The following PPRC1 variants were observed in gnomAD, a reference collection of about 807,000 sequenced individuals.
PPRC1 encodes PPARG related coactivator 1, also known as peroxisome proliferator-activated receptor gamma coactivator-related protein 1.
In PPRC1, 23 loss-of-function variants were observed where a neutral mutation model predicts 132.5. The ratio of observed to expected loss-of-function variants is 0.17; its 90% CI spans 0.12 to 0.25. PPRC1 has a LOEUF of 0.25. Ranked by LOEUF, PPRC1 falls within the 10% of genes least tolerant of loss-of-function variation. The probability of loss-of-function intolerance (pLI) is 1.00; values close to 1 mark genes in which losing one functional copy is unlikely to be tolerated. For missense variants in PPRC1, 2,006 were observed against 2,089.1 expected (o/e 0.96, Z 0.78); for synonymous variants, 872 against 833.5 (o/e 1.05, Z -0.80).
intron 1 of PPRC1, among the ~76,000 whole-genome samples, chr10:102,133,892 T>C (rs1337440864): frequency 6.6e-6 from 1 of 151,798 alleles, no homozygotes; most frequent in South Asian, 2.1e-4. Context: ...GGTTTTTTTT[T>C]TCCCTGCTGC....
In PPRC1 at chr10:102,147,059, A is replaced by C; in HGVS notation, c.4067A>C (p.His1356Pro). ...GCTGCCTCCCGGGAGCCGCTTGATC[A>C]CAGGACTAGCAGTGAGCAGGCAGAT... ...CIAASREPLDHRTSSEQADPS... is the reference protein window; with the variant it reads ...CIAASREPLDPRTSSEQADPS... Residue 1356 changes from histidine to proline, a missense_variant, in exon 9 of 14, where the codon CAC (histidine) becomes CCC (proline). By Grantham distance (77) the His-to-Pro change is moderately conservative. Transcript: ENST00000278070. 1.2e-6 allele frequency: 2 copies of C among 1,614,056 alleles called. No individual in the cohort carries two copies. Among genetic ancestry groups the C allele is most frequent in the Non-Finnish European group, 8.5e-7 (1 of 1,179,986 alleles).
intron 5 of PPRC1, among the ~76,000 whole-genome samples, chr10:102,142,265 G>T (rs1214142218): frequency 1.3e-5 from 2 of 149,342 alleles, no homozygotes; most frequent in Non-Finnish European, 3.0e-5. Context: ...ACCACGTCTG[G>T]CTAATTTTTC....
upstream of PPRC1, among the ~76,000 whole-genome samples, chr10:102,130,464 A>G (rs1378210831): frequency 6.8e-6 from 1 of 146,260 alleles, no homozygotes; most frequent in Non-Finnish European, 1.5e-5. Context: ...GGCTGGGCGC[A>G]GTGGCTCACG....
chr10:102,121,021 C>G, the PPRC1 span, among the ~76,000 whole-genome samples: 1 of 152,198 alleles, frequency 6.6e-6, no homozygotes, highest in African/African-American at 2.4e-5. Flanking sequence ...CAACTCACCC[C>G]TTCCCTAAAT....
chr10:102,139,298 C>G lies in PPRC1; in HGVS notation c.790C>G (p.Leu264Val), dbSNP rs1314719382. The part of the protein sequence containing the change: ...SFSGQILAGE[L>V]DNCVSSIPDF... ...CAGTGGCCAGATTCTTGCCGGGGAG[C>G]TTGACAACTGTGTGAGCAGTATCCC... The change falls in exon 5 of 14, where the codon CTT (leucine) becomes GTT (valine). Residue 264 changes from leucine (L) to valine (V), a missense_variant. Coordinates refer to ENST00000278070, the MANE Select transcript of PPRC1 (RefSeq NM_015062.5). 1.2e-6 allele frequency: 2 copies of G among 1,614,186 alleles called. No individual in the cohort carries two copies. The highest frequency in any genetic ancestry group is 2.7e-5 in the African/African-American group (2 of 75,054).
chr10:102,143,131 TTTTTTTGGTGATAC>T lies in PPRC1; in HGVS notation c.3550+42_3550+55del, dbSNP rs1215140379. On this transcript the variant is annotated intron_variant, in intron 6 of 13. Transcript: ENST00000278070. ...AACATGGGTAGTTTTGCTCCAACTCTTTTTTTGGTGATACTTTTTTGGGCCCAGCCCTGTAGTTG... is the reference window on the plus strand; with the variant it reads ...AACATGGGTAGTTTTGCTCCAACTCTTTTTTTGGGCCCAGCCCTGTAGTTG... 5 of 1,588,200 alleles carry T rather than the reference TTTTTTTGGTGATAC, an allele frequency of 3.1e-6. No homozygotes were observed. The African/African-American group carries it at 6.7e-5, about 21-fold the overall frequency.
rs1167034686 is a variant in PPRC1, at chr10:102,138,653, C to T, written c.377C>T (p.Ser126Leu). 3.1e-6 allele frequency: 5 copies of T among 1,613,912 alleles called. No homozygotes were observed. The highest frequency in any genetic ancestry group is 1.7e-5 in the Admixed American group (1 of 59,994). Residue 126 changes from serine (S) to leucine (L), a missense_variant, in exon 3 of 14, where the codon TCG (serine) becomes TTG (leucine). Coordinates refer to ENST00000278070, the MANE Select transcript of PPRC1 (RefSeq NM_015062.5). Reference sequence around the variant, plus strand: ...TCTCTGGAGGACCAGAATGAAGTGTCGCTGCTCACGGCTCTGACGGAGATC... The same window carrying T: ...TCTCTGGAGGACCAGAATGAAGTGTTGCTGCTCACGGCTCTGACGGAGATC... ...RLSLEDQNEV[S>L]LLTALTEILD...
chr10:102,119,967 G>T, the PPRC1 span: 1 of 729,260 alleles, frequency 1.4e-6, no homozygotes, highest in Non-Finnish European at 2.0e-6. Context: ...AGCCCTTCCA[G>T]CCCCCGGCTT....
At position 102,133,127 on chromosome 10, in the gene PPRC1, G is replaced by A; in HGVS notation, c.59G>A (p.Gly20Asp). Residue 20 changes from glycine (G) to aspartate (D), a missense_variant, in exon 1 of 14, where the codon GGT becomes GAT. Gly to Asp is a moderately conservative substitution (Grantham distance 94). Coordinates refer to ENST00000278070, the MANE Select transcript of PPRC1 (RefSeq NM_015062.5). Reference sequence around the variant, plus strand: ...GCGCCGCCCCCGAGTGGGGGCCCCGGTCCGGACCCTGGCGGGGGAGCCCGC... The same window carrying A: ...GCGCCGCCCCCGAGTGGGGGCCCCGATCCGGACCCTGGCGGGGGAGCCCGC... ...GVAPPPSGGP[G>D]PDPGGGARGS... 1 of 1,249,502 alleles carries A rather than the reference G, an allele frequency of 8.0e-7. No individual in the cohort carries two copies. The highest frequency in any genetic ancestry group is 1.0e-6 in the Non-Finnish European group (1 of 990,450). The allele number at this position is 1,249,502 out of a possible 1,614,324, so 77.4% of individuals were successfully genotyped here.
chr10:102,132,634 G>A (rs762291268), upstream of PPRC1, among the ~76,000 whole-genome samples: 1 of 152,260 alleles, frequency 6.6e-6, no homozygotes, highest in Non-Finnish European at 1.5e-5. Flanking sequence ...GTGCCCACTA[G>A]GGGGTGGTGT....
At position 102,133,125 on chromosome 10, in the gene PPRC1, C is replaced by T. The variant is rs1253960171; in HGVS notation, c.57C>T (p.Pro19=). Residue 19 remains proline, a synonymous_variant, in exon 1 of 14, where the codon CCC becomes CCT. Transcript: ENST00000278070. ...DGVAPPPSGG[P]GPDPGGGARG... is the part of the protein sequence containing the mutation. ...TCGCGCCGCCCCCGAGTGGGGGCCC[C>T]GGTCCGGACCCTGGCGGGGGAGCCC... 6 of 1,248,410 alleles carry T rather than the reference C, an allele frequency of 4.8e-6. No individual in the cohort carries two copies. The highest frequency in any genetic ancestry group is 6.1e-6 in the Non-Finnish European group (6 of 989,916). The allele number at this position is 1,248,410 out of a possible 1,614,324, so 77.3% of individuals were successfully genotyped here.
At chr10:102,123,405 T>C in the PPRC1 span, among the ~76,000 whole-genome samples, 1 of 148,230 alleles carries the variant, frequency 6.7e-6, no homozygotes, top group African/African-American at 2.5e-5. Flanking sequence ...GGAGGGGGGG[T>C]CTTTAACTTA....
Position 102,141,820 on chromosome 10 carries a change from C to A in PPRC1, c.3312C>A (p.Thr1104=). 6.2e-7 allele frequency: 1 copy of A among 1,614,030 alleles called. No individual in the cohort carries two copies. The highest frequency in any genetic ancestry group is 8.5e-7 in the Non-Finnish European group (1 of 1,179,976). Residue 1104 remains threonine (T), a synonymous_variant, in exon 5 of 14, where the codon ACC becomes ACA. Coordinates refer to ENST00000278070, the MANE Select transcript of PPRC1 (RefSeq NM_015062.5). ...EPASERLKPE[T]QETRPREKPP... ...CATCAGAGAGGCTAAAGCCTGAGAC[C>A]CAAGAGACCAGGCCCAGGGAGAAGC...
In PPRC1 at chr10:102,149,265, G is replaced by A; in HGVS notation, c.4827G>A (p.Glu1609=). The change falls in exon 13 of 14, where the codon GAG becomes GAA. Residue 1609 remains glutamate (E), a synonymous_variant. Transcript: ENST00000278070. ...GCCACAAGCTGCGGCAGGCAGATGA[G>A]CAGCCCTTTGATCTCTGCTTTGGGG... ...ESGHKLRQAD[E]QPFDLCFGGR... is the part of the protein sequence containing the mutation. 1.2e-6 allele frequency: 2 copies of A among 1,612,774 alleles called. No homozygotes were observed. The highest frequency in any genetic ancestry group is 8.5e-7 in the Non-Finnish European group (1 of 1,179,306).
upstream of PPRC1, among the ~76,000 whole-genome samples, chr10:102,129,581 G>C (rs550647414): frequency 2.0e-5 from 3 of 151,988 alleles, no homozygotes; most frequent in African/African-American, 7.3e-5. Context: ...TAAACCAGTA[G>C]CATTTTATTT....
At chr10:102,124,641 ATTTT>A in the PPRC1 span, among the ~76,000 whole-genome samples, 1 of 116,986 alleles carries the variant, frequency 8.5e-6, no homozygotes. Flanking sequence ...GTGCCTGGCC[ATTTT>A]TTTTTTTTTT....
upstream of PPRC1, among the ~76,000 whole-genome samples, chr10:102,128,865 C>T (rs1216426066): frequency 2.7e-5 from 4 of 149,668 alleles, no homozygotes; most frequent in East Asian, 2.0e-4. Flanking sequence ...CCGCCCGCCT[C>T]GGCCTCCCAA....
Position 102,141,031 on chromosome 10 carries a change from A to G in PPRC1, c.2523A>G (p.Ser841=). ...PEPPVSKPVA[S]SPTEQVPSQE... is the part of the protein sequence containing the mutation. ...CACCTGTAAGCAAACCTGTGGCCTC[A>G]TCTCCCACTGAGCAGGTGCCATCCC... Residue 841 remains serine, a synonymous_variant, in exon 5 of 14, where the codon TCA becomes TCG. Coordinates refer to ENST00000278070, the MANE Select transcript of PPRC1 (RefSeq NM_015062.5). The G allele has an allele frequency of 6.2e-7, 1 of 1,614,124 alleles. No homozygotes were observed. The highest frequency in any genetic ancestry group is 2.2e-5 in the East Asian group (1 of 44,884).
chr10:102,142,117 TTTG>T lies in PPRC1; in HGVS notation c.3496+116_3496+118del, dbSNP rs2069010699. 3 of 1,304,080 alleles carry T rather than the reference TTTG, an allele frequency of 2.3e-6. No homozygotes were observed. In the Admixed American group the frequency reaches 7.6e-5, roughly 33 times the overall value. 80.8% of individuals were successfully genotyped at this position (1,304,080 alleles called of 1,614,324 possible). A position where few individuals can be genotyped will look rare whatever the true frequency, so the allele number is the denominator to read the frequency against. ...TGTTGGATTTCTTTGGAGGAGTTTT[TTTG>T]TTTTTATTTTGAGATGGAGTCTTGC... On this transcript the variant is annotated intron_variant, in intron 5 of 13. Transcript: ENST00000278070.
Sources: gnomAD v4.1 joint callset for allele counts (sites outside exome capture counted in the v4.1 genomes callset) on GRCh38, gnomAD v4.1.1 for gene constraint, MANE v1.5 for transcripts, NCBI Gene and HGNC (gene_info 2026-07-23, HGNC 2026-07-21) for gene names.